Variants in SLC27A6 observed in about 807,000 individuals in gnomAD.
SLC27A6 encodes long-chain fatty acid transport protein 6.
SLC27A6 carries 74 observed loss-of-function variants against 63.9 expected under a neutral mutation model. The ratio of observed to expected loss-of-function variants is 1.16; its 90% CI spans 0.96 to 1.40. The LOEUF is 1.40. Ranked by LOEUF, SLC27A6 falls within the 40% of genes most tolerant of loss-of-function variation. The pLI is 0.00. For synonymous variants in SLC27A6, 287 were observed against 260.8 expected, an observed-to-expected ratio of 1.10 and a Z score of -0.97; for missense variants, 794 against 732.9, an observed-to-expected ratio of 1.08 and a Z score of -0.96.
At chr5:128,987,140 G>A (rs171795) in intron 2 of SLC27A6, among the ~76,000 whole-genome samples, 11,317 of 151,904 alleles carry the variant, frequency 0.075, 1,236 homozygotes, top group East Asian at 0.56. Context: ...CTATAAATAT[G>A]TATATATGTA....
intron 9 of SLC27A6, among the ~76,000 whole-genome samples, chr5:129,031,512 T>A (rs1347233401): frequency 1.3e-5 from 2 of 151,986 alleles, no homozygotes; most frequent in Admixed American, 6.6e-5. Flanking sequence ...AATTTGGTAA[T>A]ATATGATCAG....
At chr5:129,033,014 CAT>C (rs1752458737) in intron 9 of SLC27A6, 90 bp from the exon 10 acceptor site, 1 of 674,422 alleles carries the variant, frequency 1.5e-6, no homozygotes, top group Non-Finnish European at 2.3e-6. Flanking sequence ...TATAAAGTGT[CAT>C]AATTTAATAT....
rs1013726994 is a variant in SLC27A6 at position 128,966,129 on chromosome 5, G to C, written c.-9G>C. The C allele has an allele frequency of 6.5e-7, 1 of 1,532,020 alleles. No homozygotes were observed. The highest frequency in any genetic ancestry group is 8.7e-7 in the Non-Finnish European group (1 of 1,145,342). The allele number at this position is 1,532,020 out of a possible 1,614,324, so 94.9% of individuals were successfully genotyped here. A position where few individuals can be genotyped will look rare whatever the true frequency, so the allele number is the denominator to read the frequency against. On this transcript the variant is annotated 5_prime_UTR_variant, in exon 1 of 10. Coordinates refer to ENST00000262462, the MANE Select transcript of SLC27A6 (RefSeq NM_001017372.3). ...GAGATCAGAGCTGTCTTCTGGCCCA[G>C]TTGCCCCCATGCTTCTGTCATGGCT...
intron 2 of SLC27A6, among the ~76,000 whole-genome samples, chr5:128,985,582 G>A (rs773295756): frequency 1.1e-4 from 16 of 152,248 alleles, no homozygotes; most frequent in Non-Finnish European, 2.2e-4. Flanking sequence ...TTAAAGTTTG[G>A]TAGTACAAAG....
At chr5:129,008,852 T>C (rs1463224758) in intron 4 of SLC27A6, among the ~76,000 whole-genome samples, 1 of 151,256 alleles carries the variant, frequency 6.6e-6, no homozygotes, top group Non-Finnish European at 1.5e-5. Flanking sequence ...GGCTATCTTA[T>C]TATTTTCAAT....
At chr5:128,995,282 A>C (rs982235162) in intron 4 of SLC27A6, among the ~76,000 whole-genome samples, 1 of 152,190 alleles carries the variant, frequency 6.6e-6, no homozygotes, top group Non-Finnish European at 1.5e-5. Flanking sequence ...ATATCTAGGG[A>C]TATATCTAGG....
intron 8 of SLC27A6, 129 bp from the exon 9 acceptor site, chr5:129,029,448 A>C (rs996541463): frequency 1.6e-6 from 1 of 618,326 alleles, no homozygotes; most frequent in Non-Finnish European, 2.7e-6. Flanking sequence ...AGACTAGTTT[A>C]TGCTCCTGTT....
intron 1 of SLC27A6, among the ~76,000 whole-genome samples, chr5:128,980,513 G>A (rs1750547156): frequency 6.6e-6 from 1 of 152,102 alleles, no homozygotes. Flanking sequence ...TAAGCCAGTG[G>A]GGTCCACAGT....
At chr5:129,031,834 TAAGAA>T (rs905263550) in intron 9 of SLC27A6, among the ~76,000 whole-genome samples, 1 of 151,972 alleles carries the variant, frequency 6.6e-6, no homozygotes, top group Non-Finnish European at 1.5e-5. Flanking sequence ...TGCTAATTTT[TAAGAA>T]AAGAGTAAAA....
At chr5:128,998,237 A>G (rs1283608079) in intron 4 of SLC27A6, among the ~76,000 whole-genome samples, 2 of 151,972 alleles carry the variant, frequency 1.3e-5, no homozygotes, top group Non-Finnish European at 2.9e-5. Flanking sequence ...AGCTGCAGTG[A>G]GCTATGATTT....
chr5:129,020,622 G>A (rs551152031), intron 5 of SLC27A6, among the ~76,000 whole-genome samples: 76 of 152,092 alleles, frequency 5.0e-4, no homozygotes, highest in African/African-American at 1.8e-3. Context: ...TAATAAAATG[G>A]CTCATTTCTT....
chr5:128,969,802 T>A (rs1262579185), intron 1 of SLC27A6, among the ~76,000 whole-genome samples: 1 of 152,202 alleles, frequency 6.6e-6, no homozygotes, highest in Non-Finnish European at 1.5e-5. Context: ...AACACTATGT[T>A]GAATAGGAGT....
Position 128,966,187 on chromosome 5 carries a change from A to G in SLC27A6, c.50A>G (p.His17Arg). Residue 17 changes from histidine to arginine, a missense_variant, in exon 1 of 10, where the codon CAC becomes CGC. Coordinates refer to ENST00000262462, the MANE Select transcript of SLC27A6 (RefSeq NM_001017372.3). ...CTAGGGGCTGGAATGGTCGTCCTGCACTTCTTGCAGAAACTCCTGTTCCCT... is the reference window on the plus strand; with the variant it reads ...CTAGGGGCTGGAATGGTCGTCCTGCGCTTCTTGCAGAAACTCCTGTTCCCT... Reference protein sequence around the residue: ...TVLGAGMVVLHFLQKLLFPYF... With the variant: ...TVLGAGMVVLRFLQKLLFPYF... The G allele has an allele frequency of 6.3e-7, 1 of 1,591,386 alleles. No individual in the cohort carries two copies. The highest frequency in any genetic ancestry group is 1.3e-5 in the African/African-American group (1 of 74,248).
intron 4 of SLC27A6, among the ~76,000 whole-genome samples, chr5:129,008,441 G>T (rs1580733536): frequency 6.6e-6 from 1 of 152,268 alleles, no homozygotes; most frequent in African/African-American, 2.4e-5. Context: ...CTTCATATTG[G>T]ATTTCAGAGA....
intron 8 of SLC27A6, among the ~76,000 whole-genome samples, chr5:129,029,001 C>A (rs1580751732): frequency 6.6e-6 from 1 of 151,708 alleles, no homozygotes; most frequent in South Asian, 2.1e-4. Flanking sequence ...CAGGAGAGAT[C>A]AGGGATGTGA....
At chr5:128,979,569 T>C (rs1750512689) in intron 1 of SLC27A6, among the ~76,000 whole-genome samples, 1 of 152,218 alleles carries the variant, frequency 6.6e-6, no homozygotes, top group South Asian at 2.1e-4. Flanking sequence ...TTCACCACTT[T>C]CTTACTGAAA....
intron 5 of SLC27A6, among the ~76,000 whole-genome samples, chr5:129,018,257 A>AATTTTCTGT (rs777609410): frequency 8.5e-5 from 13 of 152,056 alleles, no homozygotes; most frequent in Non-Finnish European, 1.9e-4. Flanking sequence ...TTTTAGGTGA[A>AATTTTCTGT]ATTTTCTGTA....
intron 4 of SLC27A6, among the ~76,000 whole-genome samples, chr5:129,012,437 C>T (rs775620902): frequency 2.6e-5 from 4 of 151,970 alleles, no homozygotes; most frequent in African/African-American, 4.8e-5. Context: ...AAAATGTGTA[C>T]TCTTCAGTAC....
Position 128,975,515 on chromosome 5 carries a change from C to T in SLC27A6, c.481+8897C>T, listed in dbSNP as rs970627867. Reference sequence around the variant, plus strand: ...GCTACAAACTTGTACCAGGATATTACTGTACTGAATATCGTAGGCAATTGG... The same window carrying T: ...GCTACAAACTTGTACCAGGATATTATTGTACTGAATATCGTAGGCAATTGG... On this transcript the variant is annotated intron_variant, in intron 1 of 9. Transcript: ENST00000262462. 3.3e-5 allele frequency among the ~76,000 whole-genome samples: 5 copies of T among 152,098 alleles called. No individual in the cohort carries two copies. The South Asian group carries it at 8.3e-4, about 25-fold the overall frequency.
Sources: gnomAD v4.1 joint callset for allele counts (sites outside exome capture counted in the v4.1 genomes callset) on GRCh38, gnomAD v4.1.1 for gene constraint, MANE v1.5 for transcripts, NCBI Gene and HGNC (gene_info 2026-07-23, HGNC 2026-07-21) for gene names.